Variants in KANSL2 observed in about 807,000 individuals in gnomAD.
KANSL2 encodes NSL complex protein NSL2.
In KANSL2, 34 loss-of-function variants were observed where a neutral mutation model predicts 55.6. That is an observed-to-expected ratio of 0.61 (90% CI 0.46 to 0.81). KANSL2 has a LOEUF of 0.81. Ranked by LOEUF, KANSL2 falls within the 40% of genes least tolerant of loss-of-function variation. The probability of loss-of-function intolerance (pLI) is 0.00; values close to 1 mark genes in which losing one functional copy is unlikely to be tolerated. For synonymous variants in KANSL2, 209 were observed against 214.3 expected (o/e 0.98, Z 0.22); for missense variants, 502 against 609.9 (o/e 0.82, Z 1.86).
intron 2 of KANSL2, among the ~76,000 whole-genome samples, chr12:48,680,981 C>CAA (rs1193779047): frequency 2.3e-4 from 34 of 149,176 alleles, no homozygotes; most frequent in Admixed American, 4.0e-4. Context: ...CGCCCCCCCG[C>CAA]CAAAAAATTA....
At chr12:48,675,278 C>T (rs778169843) in intron 4 of KANSL2, among the ~76,000 whole-genome samples, 1 of 151,430 alleles carries the variant, frequency 6.6e-6, no homozygotes, top group Non-Finnish European at 1.5e-5. Flanking sequence ...CAGCGGCGTG[C>T]GCCTGTAGTC....
intron 4 of KANSL2, among the ~76,000 whole-genome samples, chr12:48,673,518 C>T (rs1939766090): frequency 6.6e-6 from 1 of 151,262 alleles, no homozygotes; most frequent in Non-Finnish European, 1.5e-5. Context: ...TGAGATCGTG[C>T]CACTGCATTC....
chr12:48,654,283 CAG>C, intron 9 of KANSL2, 108 bp from the exon 10 acceptor site: 1 of 1,144,918 alleles, frequency 8.7e-7, no homozygotes. Flanking sequence ...AACAATACAA[CAG>C]AAATTAATTC....
intron 7 of KANSL2, among the ~76,000 whole-genome samples, chr12:48,667,114 G>A (rs930108515): frequency 4.6e-5 from 7 of 151,940 alleles, no homozygotes; most frequent in African/African-American, 1.2e-4. Flanking sequence ...GTGCAGTGAG[G>A]TGGAGGTTGC....
chr12:48,653,839 A>C lies in KANSL2; in HGVS notation c.*205T>G, dbSNP rs762290554. 32 of 451,992 alleles carry C rather than the reference A, an allele frequency of 7.1e-5. No individual in the cohort carries two copies. The highest frequency in any genetic ancestry group is 3.0e-4 in the African/African-American group (15 of 49,232). The allele number at this position is 451,992 out of a possible 1,614,324, so 28.0% of individuals were successfully genotyped here. Reference sequence around the variant, plus strand: ...AATCCCAGAAGCTTTGATAGGGATTATCTCTCTTTCTCTTCCTTGCCCTGA... The same window carrying C: ...AATCCCAGAAGCTTTGATAGGGATTCTCTCTCTTTCTCTTCCTTGCCCTGA... On this transcript the variant is annotated 3_prime_UTR_variant, in exon 10 of 10. Transcript: ENST00000420613.
chr12:48,673,680 G>C (rs1003058074), intron 4 of KANSL2, among the ~76,000 whole-genome samples: 6 of 152,130 alleles, frequency 3.9e-5, no homozygotes, highest in Non-Finnish European at 8.8e-5. Flanking sequence ...AGGTGTGATA[G>C]CTCACGCCTG....
intron 6 of KANSL2, 40 bp from the exon 7 acceptor site, chr12:48,667,829 A>C (rs760812243): frequency 7.4e-7 from 1 of 1,360,282 alleles, no homozygotes; most frequent in African/African-American, 1.4e-5. Flanking sequence ...CCCACAAAAG[A>C]ACACACAAAC....
intron 8 of KANSL2, among the ~76,000 whole-genome samples, chr12:48,659,600 G>A (rs1178705582): frequency 6.6e-6 from 1 of 151,872 alleles, no homozygotes; most frequent in African/African-American, 2.4e-5. Flanking sequence ...TCCAGCCTGA[G>A]CAACAGAGCA....
intron 8 of KANSL2, among the ~76,000 whole-genome samples, chr12:48,659,644 A>C (rs528419469): frequency 6.6e-6 from 1 of 152,282 alleles, no homozygotes; most frequent in Admixed American, 6.5e-5. Context: ...AGTTATAAAA[A>C]TGATAACTAA....
intron 4 of KANSL2, among the ~76,000 whole-genome samples, chr12:48,674,090 A>T (rs1939777921): frequency 1.3e-5 from 2 of 152,230 alleles, no homozygotes; most frequent in African/African-American, 4.8e-5. Context: ...AATTTTATTG[A>T]AAAGGCAAAA....
intron 4 of KANSL2, among the ~76,000 whole-genome samples, chr12:48,677,361 T>C (rs895271522): frequency 6.6e-6 from 1 of 152,200 alleles, no homozygotes; most frequent in African/African-American, 2.4e-5. Context: ...TCTAGATTAC[T>C]AACAAAATCA....
chr12:48,676,590 G>T (rs775092479), intron 4 of KANSL2, among the ~76,000 whole-genome samples: 1 of 152,022 alleles, frequency 6.6e-6, no homozygotes, highest in African/African-American at 2.4e-5. Flanking sequence ...CCCGGGAGGC[G>T]GAGGTTGCAG....
chr12:48,679,824 G>A lies in KANSL2; in HGVS notation c.261C>T (p.Phe87=). The A allele has an allele frequency of 4.4e-6, 7 of 1,601,834 alleles. No homozygotes were observed. Among genetic ancestry groups the A allele is most frequent in the Non-Finnish European group, 6.0e-6 (7 of 1,173,876 alleles). The change falls in exon 3 of 10, where the codon TTC becomes TTT. Residue 87 remains phenylalanine, a synonymous_variant. Coordinates refer to ENST00000420613, the MANE Select transcript of KANSL2 (RefSeq NM_017822.4). The part of the protein sequence containing the change: ...PKPEKKDGVS[F]CAEHVRRNAL... ...CATTCCTACGGACATGTTCAGCACA[G>A]AAGGACACCCTGAAGAGACAAAACA...
intron 7 of KANSL2, among the ~76,000 whole-genome samples, chr12:48,661,766 T>C (rs1280510580): frequency 6.6e-6 from 1 of 152,208 alleles, no homozygotes; most frequent in African/African-American, 2.4e-5. Context: ...ACCAACACTG[T>C]AGGCCAGGTA....
At chr12:48,667,537 A>G in intron 7 of KANSL2, 156 bp downstream of exon 7, 1 of 751,026 alleles carries the variant, frequency 1.3e-6, no homozygotes, top group Non-Finnish European at 2.5e-6. Context: ...ACAATTCTTT[A>G]GGCTCCTGCT....
intron 7 of KANSL2, among the ~76,000 whole-genome samples, chr12:48,665,955 G>A (rs1158753745): frequency 6.6e-6 from 1 of 152,188 alleles, no homozygotes; most frequent in Admixed American, 6.5e-5. Context: ...GCTCACAACT[G>A]TAATCCTAGC....
chr12:48,666,238 A>G (rs150011150), intron 7 of KANSL2, among the ~76,000 whole-genome samples: 1 of 152,240 alleles, frequency 6.6e-6, no homozygotes, highest in African/African-American at 2.4e-5. Context: ...AAAACTTTTT[A>G]AAGAGCCAAG....
intron 2 of KANSL2, 135 bp from the exon 3 acceptor site, chr12:48,679,968 A>T: frequency 1.2e-6 from 1 of 804,610 alleles, no homozygotes; most frequent in Non-Finnish European, 1.9e-6. Flanking sequence ...TGCAAGTCAG[A>T]GGAATTTAAC....
At chr12:48,676,983 T>C (rs1939833073) in intron 4 of KANSL2, among the ~76,000 whole-genome samples, 1 of 152,188 alleles carries the variant, frequency 6.6e-6, no homozygotes, top group African/African-American at 2.4e-5. Context: ...AGAATTTTAC[T>C]CAGTGGACAT....
Sources: allele counts gnomAD v4.1 joint callset (sites outside exome capture counted in the v4.1 genomes callset), GRCh38; gene constraint gnomAD v4.1.1; transcripts MANE v1.5; gene names NCBI Gene and HGNC (gene_info 2026-07-23, HGNC 2026-07-21).